The following GNG2 variants were observed in gnomAD, a reference collection of about 807,000 sequenced individuals.
GNG2 encodes the protein guanine nucleotide-binding protein G(I)/G(S)/G(O) subunit gamma-2.
Under a neutral mutation model 5.5 loss-of-function variants are expected in GNG2, and 5 were observed. That is an observed-to-expected ratio of 0.91 (90% confidence interval 0.48 to 1.92). GNG2 has a LOEUF of 1.92. Ranked by LOEUF, GNG2 falls within the 30% of genes most tolerant of loss-of-function variation. GNG2 has a pLI of 0.01. For missense variants in GNG2, 55 were observed against 88.4 expected (o/e 0.62, Z 1.52); for synonymous variants, 28 against 32.0 (o/e 0.88, Z 0.42).
intron 3 of GNG2, chr14:51,951,865 T>C (rs1461352102): frequency 2.8e-5 from 20 of 701,762 alleles, no homozygotes; most frequent in South Asian, 2.8e-4. Context: ...AGCTAAAATA[T>C]TTATTCTCTG....
chr14:51,919,783 C>A (rs897046415), intron 2 of GNG2, among the ~76,000 whole-genome samples: 1 of 152,268 alleles, frequency 6.6e-6, no homozygotes, highest in East Asian at 1.9e-4. Context: ...TCAGGCAAAA[C>A]GGAGATCATC....
intron 2 of GNG2, among the ~76,000 whole-genome samples, chr14:51,922,477 G>T (rs528605714): frequency 6.6e-6 from 1 of 152,078 alleles, no homozygotes; most frequent in Admixed American, 6.6e-5. Flanking sequence ...ACTCCAAGGG[G>T]TAGTAGCAGC....
intron 2 of GNG2, among the ~76,000 whole-genome samples, chr14:51,885,147 T>G (rs1381971059): frequency 6.6e-6 from 1 of 152,200 alleles, no homozygotes; most frequent in Admixed American, 6.5e-5. Context: ...TAATTCAAGT[T>G]GTGACTAAAA....
At chr14:51,838,695 G>A (rs937197173) in intron 2 of GNG2, among the ~76,000 whole-genome samples, 36 of 152,058 alleles carry the variant, frequency 2.4e-4, no homozygotes, top group Non-Finnish European at 2.1e-4. Flanking sequence ...TACATCTATC[G>A]TATGTCCCTC....
At chr14:51,889,838 G>T in intron 2 of GNG2, among the ~76,000 whole-genome samples, 1 of 152,084 alleles carries the variant, frequency 6.6e-6, no homozygotes, top group East Asian at 1.9e-4. Flanking sequence ...TAGCTACTTT[G>T]GCTTTTTTGT....
intron 2 of GNG2, among the ~76,000 whole-genome samples, chr14:51,919,426 T>G (rs1175435820): frequency 6.6e-6 from 1 of 152,242 alleles, no homozygotes; most frequent in East Asian, 1.9e-4. Flanking sequence ...ATTTTGCACA[T>G]GCCAAACAAA....
intron 2 of GNG2, among the ~76,000 whole-genome samples, chr14:51,888,489 T>C (rs927605017): frequency 6.6e-6 from 1 of 152,108 alleles, no homozygotes; most frequent in African/African-American, 2.4e-5. Flanking sequence ...TGGCTAATTT[T>C]TAAATGTTTT....
chr14:51,928,266 G>A (rs551283615), intron 2 of GNG2, among the ~76,000 whole-genome samples: 1 of 151,966 alleles, frequency 6.6e-6, no homozygotes, highest in African/African-American at 2.4e-5. Flanking sequence ...TCCTGACCTC[G>A]TGATCCACCC....
At position 51,875,817 on chromosome 14, in the gene GNG2, C is replaced by G. The variant is rs559882520; in HGVS notation, c.-70-1800C>G. ...TTTAAATGACAATGCATTTTACATTCTTTTTACTTTATAATAAAATAACCT... is the reference window on the plus strand; with the variant it reads ...TTTAAATGACAATGCATTTTACATTGTTTTTACTTTATAATAAAATAACCT... On this transcript the variant is annotated intron_variant, in intron 1 of 3. Coordinates refer to ENST00000556766, the MANE Select transcript of GNG2 (RefSeq NM_053064.5). Among the ~76,000 whole-genome samples, 11 of 150,860 alleles carry G rather than the reference C, an allele frequency of 7.3e-5. 1 individual carries two copies. The highest frequency in any genetic ancestry group is 7.2e-3 in the Middle Eastern group (2 of 276).
At chr14:51,927,660 C>G (rs1050038727) in intron 2 of GNG2, among the ~76,000 whole-genome samples, 5 of 152,172 alleles carry the variant, frequency 3.3e-5, no homozygotes, top group African/African-American at 1.2e-4. Flanking sequence ...TAGCTCCAAG[C>G]ACTGCCTGGT....
At chr14:51,928,000 G>GGGT (rs1435654233) in intron 2 of GNG2, among the ~76,000 whole-genome samples, 16 of 148,556 alleles carry the variant, frequency 1.1e-4, no homozygotes, top group Non-Finnish European at 1.8e-4. Context: ...AGTCTCAATT[G>GGGT]GGTATTTGCC....
chr14:51,925,205 A>G (rs118129993), intron 2 of GNG2, among the ~76,000 whole-genome samples: 1,869 of 152,356 alleles, frequency 0.012, 18 homozygotes, highest in Middle Eastern at 0.024. Context: ...TGTTGTATAC[A>G]TGTATGAAAA....
At chr14:51,876,391 G>A (rs1055760930) in intron 1 of GNG2, among the ~76,000 whole-genome samples, 3 of 152,272 alleles carry the variant, frequency 2.0e-5, no homozygotes, top group African/African-American at 4.8e-5. Flanking sequence ...TTAAAGTCAT[G>A]GAGTGGCATC....
intron 2 of GNG2, among the ~76,000 whole-genome samples, chr14:51,949,150 G>C (rs1244674623): frequency 6.6e-6 from 1 of 151,490 alleles, no homozygotes; most frequent in Non-Finnish European, 1.5e-5. Flanking sequence ...AAGAAATTGA[G>C]GGAACAATTA....
chr14:51,946,006 C>T (rs1000930989), intron 2 of GNG2, among the ~76,000 whole-genome samples: 3 of 152,122 alleles, frequency 2.0e-5, no homozygotes, highest in African/African-American at 7.2e-5. Flanking sequence ...CATCACTTGG[C>T]GTTTCAGGAA....
chr14:51,840,916 A>G (rs968921968), intron 2 of GNG2, among the ~76,000 whole-genome samples: 2 of 152,234 alleles, frequency 1.3e-5, no homozygotes, highest in African/African-American at 4.8e-5. Context: ...CTCATGTATA[A>G]TGCTACAACA....
chr14:51,949,694 G>A (rs8008081), intron 2 of GNG2, among the ~76,000 whole-genome samples: 63,721 of 151,996 alleles, frequency 0.42, 13,557 homozygotes, highest in African/African-American at 0.48. Flanking sequence ...ATTTACACAG[G>A]TAGTCCTAAA....
At chr14:51,835,348 T>A (rs1350522658) in intron 2 of GNG2, among the ~76,000 whole-genome samples, 1 of 152,270 alleles carries the variant, frequency 6.6e-6, no homozygotes, top group Non-Finnish European at 1.5e-5. Flanking sequence ...TGTTTCATCC[T>A]GAGTAGGAGA....
intron 1 of GNG2, among the ~76,000 whole-genome samples, chr14:51,869,579 C>A (rs993524172): frequency 6.6e-6 from 1 of 152,196 alleles, no homozygotes; most frequent in South Asian, 2.1e-4. Context: ...GTGGCATGAT[C>A]ATGACTCATT....
Sources: gnomAD v4.1 joint callset for allele counts (sites outside exome capture counted in the v4.1 genomes callset) on GRCh38, gnomAD v4.1.1 for gene constraint, MANE v1.5 for transcripts, NCBI Gene and HGNC (gene_info 2026-07-23, HGNC 2026-07-21) for gene names.